The following ASXL3 variants were observed in gnomAD, a reference collection of about 807,000 sequenced individuals.
ASXL3 encodes the protein ASXL transcriptional regulator 3.
A neutral mutation model predicts 170.6 loss-of-function variants in ASXL3; 34 were observed. The ratio of observed to expected loss-of-function variants is 0.20; its 90% confidence interval spans 0.15 to 0.27. The LOEUF (loss-of-function observed/expected upper bound fraction) is 0.27. ASXL3 is among the 10% of genes least tolerant of loss of function. The pLI is 1.00. For synonymous variants in ASXL3, 1,002 were observed against 989.1 expected (o/e 1.01, Z -0.24); for missense variants, 2,592 against 2,695.3 (o/e 0.96, Z 0.85).
chr18:33,607,775 A>T, intron 2 of ASXL3, 99 bp downstream of exon 2: 2 of 889,528 alleles, frequency 2.2e-6, no homozygotes, highest in East Asian at 5.3e-5. Context: ...ATTGTAGTTG[A>T]TTGTGAATTA....
chr18:33,745,054 T>G lies in ASXL3; in HGVS notation c.5206T>G (p.Ser1736Ala). 6.2e-7 allele frequency: 1 copy of G among 1,613,970 alleles called. No individual in the cohort carries two copies. Among genetic ancestry groups the G allele is most frequent in the Non-Finnish European group, 8.5e-7 (1 of 1,179,880 alleles). Reference sequence around the variant, plus strand: ...GAAGAGAGTCCCTGGTGCAGGGAGCTCAGGCTGTCGTCTGTCCTCTGTGGA... The same window carrying G: ...GAAGAGAGTCCCTGGTGCAGGGAGCGCAGGCTGTCGTCTGTCCTCTGTGGA... The part of the protein sequence containing the change: ...ALKRVPGAGS[S>A]GCRLSSVEAN... The change falls in exon 12 of 12, where the codon TCA becomes GCA. Residue 1736 changes from serine to alanine, a missense_variant. Around this residue, in one of 4 missense-constraint regions of ASXL3, gnomAD observed 2,246 missense variants for 2,219.6 expected, o/e 1.01. Coordinates refer to ENST00000269197, the MANE Select transcript of ASXL3 (RefSeq NM_030632.3).
At chr18:33,728,113 G>A (rs2145388317) in intron 8 of ASXL3, among the ~76,000 whole-genome samples, 1 of 152,152 alleles carries the variant, frequency 6.6e-6, no homozygotes, top group Non-Finnish European at 1.5e-5. Flanking sequence ...TAGGATATAT[G>A]GAACTAAACT....
intron 1 of ASXL3, among the ~76,000 whole-genome samples, chr18:33,593,337 C>T (rs1057376866): frequency 6.8e-6 from 1 of 147,024 alleles, no homozygotes; most frequent in Non-Finnish European, 1.5e-5. Flanking sequence ...TATTTCCCAG[C>T]CTGTCTGTCT....
intron 2 of ASXL3, among the ~76,000 whole-genome samples, chr18:33,634,202 G>C (rs984122947): frequency 6.6e-6 from 1 of 152,108 alleles, no homozygotes; most frequent in East Asian, 1.9e-4. Flanking sequence ...GACAAAATTA[G>C]AGAAGAGTCA....
At chr18:33,696,536 G>A (rs1181715116) in intron 8 of ASXL3, among the ~76,000 whole-genome samples, 1 of 152,102 alleles carries the variant, frequency 6.6e-6, no homozygotes, top group Non-Finnish European at 1.5e-5. Flanking sequence ...AGATTAACCA[G>A]AGGGATAATG....
chr18:33,705,508 G>A (rs1336473220), intron 8 of ASXL3, among the ~76,000 whole-genome samples: 4 of 151,578 alleles, frequency 2.6e-5, no homozygotes, highest in African/African-American at 9.7e-5. Flanking sequence ...AATCAAGTAT[G>A]AACTCTGTAT....
intron 1 of ASXL3, chr18:33,578,899 G>T (rs1374756448): frequency 4.8e-6 from 1 of 208,842 alleles, no homozygotes; most frequent in East Asian, 1.4e-4. Context: ...ATCTCCGGGA[G>T]CCCCGCGTCC....
In ASXL3 at chr18:33,712,424, A is replaced by G. The variant is rs116739533; in HGVS notation, c.880-19544A>G. ...ATTACTTGCTTGCAGGCCTGAAAAT[A>G]AAGATGAGATATGAAAGAATTTAGG... is the stretch of plus-strand genomic sequence containing the variant. On this transcript the variant is annotated intron_variant, in intron 8 of 11. Transcript: ENST00000269197. Among the ~76,000 whole-genome samples the G allele has an allele frequency of 4.2e-3, 637 of 152,332 alleles. 6 individuals carry two copies. The highest frequency in any genetic ancestry group is 0.015 in the African/African-American group (614 of 41,576).
At chr18:33,696,909 G>A (rs2066782437) in intron 8 of ASXL3, among the ~76,000 whole-genome samples, 1 of 152,096 alleles carries the variant, frequency 6.6e-6, no homozygotes, top group Non-Finnish European at 1.5e-5. Flanking sequence ...CCTCACAAGT[G>A]CCAAACCTCA....
At chr18:33,636,817 G>T (rs1450480149) in intron 2 of ASXL3, among the ~76,000 whole-genome samples, 1 of 152,018 alleles carries the variant, frequency 6.6e-6, no homozygotes, top group African/African-American at 2.4e-5. Context: ...AAAAAATTTT[G>T]AATATTTGTG....
chr18:33,676,222 C>CAAA lies in ASXL3; in HGVS notation c.715+4379_715+4381dup, dbSNP rs568221465. On this transcript the variant is annotated intron_variant, in intron 7 of 11. Coordinates refer to ENST00000269197, the MANE Select transcript of ASXL3 (RefSeq NM_030632.3). ...CTGGGTGACGAGCGAGACTCCGTCT[C>CAAA]AAAAAAAAAAAAAAAAAAAAAAAAA... 1.2e-3 allele frequency among the ~76,000 whole-genome samples: 49 copies of CAAA among 41,706 alleles called. 3 individuals carry two copies. Among genetic ancestry groups the CAAA allele is most frequent in the East Asian group, 0.01 (8 of 768 alleles). 27.4% of individuals were successfully genotyped at this position (41,706 alleles called of 152,430 possible). A position where few individuals can be genotyped will look rare whatever the true frequency, so the allele number is the denominator to read the frequency against.
intron 4 of ASXL3, among the ~76,000 whole-genome samples, chr18:33,647,973 G>C (rs917097302): frequency 6.6e-6 from 1 of 152,012 alleles, no homozygotes; most frequent in Non-Finnish European, 1.5e-5. Context: ...CAAAGGCATT[G>C]AGGCAGGAGA....
In ASXL3 at chr18:33,744,921, G is replaced by A; in HGVS notation, c.5073G>A (p.Leu1691=). The A allele has an allele frequency of 6.2e-7, 1 of 1,613,978 alleles. No homozygotes were observed. Among genetic ancestry groups the A allele is most frequent in the South Asian group, 1.1e-5 (1 of 91,084 alleles). ...CTGAAGACTTCCCTGGCCCTGAGCT[G>A]CCTCCTCCGGCTGCAGAGGGAGCCT... ...MDTEDFPGPE[L]PPPAAEGASS... is the part of the protein sequence containing the mutation. The change falls in exon 12 of 12, where the codon CTG becomes CTA. Residue 1691 remains leucine, a synonymous_variant. Transcript: ENST00000269197.
chr18:33,583,303 A>G (rs1474789943), intron 1 of ASXL3, among the ~76,000 whole-genome samples: 1 of 152,234 alleles, frequency 6.6e-6, no homozygotes, highest in African/African-American at 2.4e-5. Context: ...CTCCAAAGGT[A>G]CACAAGAGCA....
intron 2 of ASXL3, among the ~76,000 whole-genome samples, chr18:33,636,768 G>A (rs1161314832): frequency 6.6e-6 from 1 of 152,054 alleles, no homozygotes; most frequent in Non-Finnish European, 1.5e-5. Flanking sequence ...TATTCAGAAT[G>A]TTTGGGACCA....
At chr18:33,652,628 T>C (rs539310011) in intron 4 of ASXL3, among the ~76,000 whole-genome samples, 117 of 91,436 alleles carry the variant, frequency 1.3e-3, no homozygotes, top group Admixed American at 6.7e-4. Context: ...AACATGAATC[T>C]TATGTTTTAG....
At chr18:33,582,740 G>GTGTT (rs1555715530) in intron 1 of ASXL3, among the ~76,000 whole-genome samples, 5,385 of 145,390 alleles carry the variant, frequency 0.037, 303 homozygotes, top group African/African-American at 0.13. Flanking sequence ...GTGTGTGTGT[G>GTGTT]TTTTCTTGGT....
Position 33,743,803 on chromosome 18 carries a change from G to A in ASXL3, c.3955G>A (p.Asp1319Asn). ...GGGCTCCAGCATATCAAGCTCCATGGATGATAAGCAGTTACTAATATCAAG... is the reference window on the plus strand; with the variant it reads ...GGGCTCCAGCATATCAAGCTCCATGAATGATAAGCAGTTACTAATATCAAG... Reference protein sequence around the residue: ...TEGSSISSSMDDKQLLISSSS... With the variant: ...TEGSSISSSMNDKQLLISSSS... The change falls in exon 12 of 12, where the codon GAT (aspartate) becomes AAT (asparagine). Residue 1319 changes from aspartate to asparagine, a missense_variant. Asp to Asn is a conservative substitution (Grantham distance 23, BLOSUM62 1). Coordinates refer to ENST00000269197, the MANE Select transcript of ASXL3 (RefSeq NM_030632.3). 6.2e-7 allele frequency: 1 copy of A among 1,614,012 alleles called. No individual in the cohort carries two copies. The highest frequency in any genetic ancestry group is 8.5e-7 in the Non-Finnish European group (1 of 1,179,896).
intron 8 of ASXL3, among the ~76,000 whole-genome samples, chr18:33,713,013 T>C (rs753345815): frequency 2.6e-5 from 4 of 152,068 alleles, no homozygotes; most frequent in Non-Finnish European, 5.9e-5. Flanking sequence ...TGACTGGCTA[T>C]ACACTAGGAG....
Sources: gnomAD v4.1 joint callset for allele counts (sites outside exome capture counted in the v4.1 genomes callset) on GRCh38, gnomAD v4.1.1 for gene constraint, gnomAD v4.1.1 regional missense constraint, MANE v1.5 for transcripts, NCBI Gene and HGNC (gene_info 2026-07-23, HGNC 2026-07-21) for gene names.